MFSD6: variants seen among roughly 807,000 people sequenced by gnomAD.
MFSD6 encodes major facilitator superfamily domain containing 6.
In MFSD6, 26 loss-of-function variants were observed where a neutral mutation model predicts 56.3. That is an observed-to-expected ratio of 0.46 (90% CI 0.34 to 0.64). MFSD6 has a LOEUF of 0.64. Ranked by LOEUF, MFSD6 falls within the 30% of genes least tolerant of loss-of-function variation. The probability of loss-of-function intolerance (pLI) is 0.01; values close to 1 mark genes in which losing one functional copy is unlikely to be tolerated. For synonymous variants in MFSD6, 331 were observed against 366.9 expected, an observed-to-expected ratio of 0.90 and a Z score of 1.12; for missense variants, 750 against 986.2, an observed-to-expected ratio of 0.76 and a Z score of 3.21.
At chr2:190,460,716 A>G (rs1028467057) in intron 3 of MFSD6, among the ~76,000 whole-genome samples, 2 of 152,236 alleles carry the variant, frequency 1.3e-5, no homozygotes, top group African/African-American at 4.8e-5. Context: ...TGGACCAGGC[A>G]TGAGATGGAG....
At position 190,499,437 on chromosome 2, in the gene MFSD6, G is replaced by C. The variant is rs1000895573; in HGVS notation, c.2173-578G>C. Among the ~76,000 whole-genome samples the C allele has an allele frequency of 1.3e-5, 2 of 152,126 alleles. No individual in the cohort carries two copies. Among genetic ancestry groups the C allele is most frequent in the African/African-American group, 2.4e-5 (1 of 41,408 alleles). On this transcript the variant is annotated intron_variant, in intron 7 of 7. Coordinates refer to ENST00000392328, the MANE Select transcript of MFSD6 (RefSeq NM_017694.4). The surrounding 1 kb of genome is among the most constrained non-coding windows in gnomAD (Gnocchi z 6.0). ...TTCTACTCATGGTTATTTACAGTTG[G>C]TTACACAAGTGCTTGTTTACATTCA...
In MFSD6 at chr2:190,461,160, A is replaced by G. The variant is rs1418042468; in HGVS notation, c.1533-8598A>G. Among the ~76,000 whole-genome samples the G allele has an allele frequency of 6.6e-6, 1 of 152,238 alleles. No homozygotes were observed. The highest frequency in any genetic ancestry group is 1.5e-5 in the Non-Finnish European group (1 of 68,046). On this transcript the variant is annotated intron_variant, in intron 3 of 7. Transcript: ENST00000392328. The surrounding 1 kb of genome is among the most constrained non-coding windows in gnomAD (Gnocchi z 5.5). ...TAGAATGTTGTATGGTTTTGAAGCC[A>G]AAATAGAAACCCAGACAGTGATCCC...
chr2:190,466,147 T>C (rs1380927335), intron 3 of MFSD6, among the ~76,000 whole-genome samples: 1 of 152,182 alleles, frequency 6.6e-6, no homozygotes, highest in Non-Finnish European at 1.5e-5. Context: ...ACCAGTTATA[T>C]TGGATTAGGA....
rs1248433967 is a variant in MFSD6 at position 190,467,757 on chromosome 2, CAAGAAG to C, written c.1533-1998_1533-1993del. Among the ~76,000 whole-genome samples, 4 of 152,074 alleles carry C rather than the reference CAAGAAG, an allele frequency of 2.6e-5. No homozygotes were observed. Among genetic ancestry groups the C allele is most frequent in the Non-Finnish European group, 5.9e-5 (4 of 68,022 alleles). On this transcript the variant is annotated intron_variant, in intron 3 of 7. Coordinates refer to ENST00000392328, the MANE Select transcript of MFSD6 (RefSeq NM_017694.4). The surrounding 1 kb of genome is among the most constrained non-coding windows in gnomAD (Gnocchi z 5.5). ...ATGTTTAAATGGTTGAAAAAAAACA[CAAGAAG>C]AATAAGATTTTGTGACACATGAAAA...
rs892392922 is a variant in MFSD6 at position 190,420,163 on chromosome 2, A to G, written c.-54+4750A>G. On this transcript the variant is annotated intron_variant, in intron 2 of 7. Transcript: ENST00000392328. ...ACTGTCTTAGTTTGCTCAGGCTGCT[A>G]TAACAAAATATATAGCAACCATATA... Among the ~76,000 whole-genome samples, 10 of 1,768 alleles carry G rather than the reference A, an allele frequency of 5.7e-3. No homozygotes were observed. In the Admixed American group the frequency reaches 0.071, roughly 13 times the overall value. 1.2% of individuals were successfully genotyped at this position (1,768 alleles called of 152,430 possible). A position where few individuals can be genotyped will look rare whatever the true frequency, so the allele number is the denominator to read the frequency against.
rs1690900685 is a variant in MFSD6, at chr2:190,418,907, C to T, written c.-54+3494C>T. Among the ~76,000 whole-genome samples, 1 of 152,180 alleles carries T rather than the reference C, an allele frequency of 6.6e-6. No individual in the cohort carries two copies. Among genetic ancestry groups the T allele is most frequent in the South Asian group, 2.1e-4 (1 of 4,830 alleles). On this transcript the variant is annotated intron_variant, in intron 2 of 7. Transcript: ENST00000392328. This position sits in a 1 kb window ranked among gnomAD's most constrained non-coding sequence, Gnocchi z 4.1. ...TGGGCAGTGCTGAGTGCCTGGAGGG[C>T]TCAGGCTGGAAACTGGGCTGACAGG...
rs1197823643 is a variant in MFSD6 at position 190,413,542 on chromosome 2, G to C, written c.-175-1750G>C. Among the ~76,000 whole-genome samples the C allele has an allele frequency of 6.6e-6, 1 of 151,486 alleles. No individual in the cohort carries two copies. The highest frequency in any genetic ancestry group is 1.9e-4 in the East Asian group (1 of 5,196). On this transcript the variant is annotated intron_variant, in intron 1 of 7. Transcript: ENST00000392328. This position sits in a 1 kb window ranked among gnomAD's most constrained non-coding sequence, Gnocchi z 4.1. ...TGATCTGAGACCAAGAGTGGGATGGGGGAAAGACAGGGAAAGACAGGGACA... is the reference window on the plus strand; with the variant it reads ...TGATCTGAGACCAAGAGTGGGATGGCGGAAAGACAGGGAAAGACAGGGACA...
At chr2:190,419,532 CATCACTGATAATTAT>C (rs1690924903) in intron 2 of MFSD6, among the ~76,000 whole-genome samples, 1 of 152,222 alleles carries the variant, frequency 6.6e-6, no homozygotes. Flanking sequence ...ATTTCCTCTC[CATCACTGATAATTAT>C]GTCACTGCTA....
In MFSD6 at chr2:190,491,160, A is replaced by G. The variant is rs1426968660; in HGVS notation, c.1891+1294A>G. Among the ~76,000 whole-genome samples, 1 of 152,228 alleles carries G rather than the reference A, an allele frequency of 6.6e-6. No individual in the cohort carries two copies. Among genetic ancestry groups the G allele is most frequent in the Non-Finnish European group, 1.5e-5 (1 of 68,036 alleles). On this transcript the variant is annotated intron_variant, in intron 6 of 7. Transcript: ENST00000392328. This position sits in a 1 kb window ranked among gnomAD's most constrained non-coding sequence, Gnocchi z 4.2. ...AATGTAAGAAACATAAAAATAAGCA[A>G]TCAAATTTTAACTCATCTTTGATTA... is the stretch of plus-strand genomic sequence containing the variant.
At chr2:190,429,086 A>G (rs12475614) in intron 2 of MFSD6, among the ~76,000 whole-genome samples, 68,988 of 151,944 alleles carry the variant, frequency 0.45, 16,089 homozygotes, top group Admixed American at 0.61. Flanking sequence ...TTTATTGGCC[A>G]TTTGTATAGG....
At chr2:190,435,693 T>C (rs1373886305) in intron 2 of MFSD6, among the ~76,000 whole-genome samples, 1 of 152,252 alleles carries the variant, frequency 6.6e-6, no homozygotes, top group Non-Finnish European at 1.5e-5. Flanking sequence ...CTATTATTTG[T>C]ACATTTTCCC....
rs1365101977 is a variant in MFSD6 at position 190,439,685 on chromosome 2, C to T, written c.1532+2124C>T. 6.6e-6 allele frequency among the ~76,000 whole-genome samples: 1 copy of T among 152,150 alleles called. No homozygotes were observed. Among genetic ancestry groups the T allele is most frequent in the Non-Finnish European group, 1.5e-5 (1 of 68,032 alleles). On this transcript the variant is annotated intron_variant, in intron 3 of 7. Transcript: ENST00000392328. The surrounding 1 kb of genome is among the most constrained non-coding windows in gnomAD (Gnocchi z 5.8). ...GTTTTTACGGACAAAAAGCATCTTC[C>T]ATTTCTTGTTTAATAATGTGATGGA...
At chr2:190,420,776 C>T (rs1157563338) in intron 2 of MFSD6, among the ~76,000 whole-genome samples, 1 of 151,964 alleles carries the variant, frequency 6.6e-6, no homozygotes, top group Non-Finnish European at 1.5e-5. Context: ...GTGATTTCTC[C>T]ATGTTTTGGT....
rs1414927286 is a variant in MFSD6, at chr2:190,458,606, G to C, written c.1533-11152G>C. On this transcript the variant is annotated intron_variant, in intron 3 of 7. Coordinates refer to ENST00000392328, the MANE Select transcript of MFSD6 (RefSeq NM_017694.4). The surrounding 1 kb of genome is among the most constrained non-coding windows in gnomAD (Gnocchi z 5.3). ...CAGTTTTAGATTCCCTTCCCCCCGA[G>C]TGCTTGACAGATGGTTATTAGCCTT... 6.6e-6 allele frequency among the ~76,000 whole-genome samples: 1 copy of C among 152,162 alleles called. No homozygotes were observed. Among genetic ancestry groups the C allele is most frequent in the Non-Finnish European group, 1.5e-5 (1 of 68,044 alleles).
chr2:190,483,562 C>T (rs568598331), intron 4 of MFSD6, among the ~76,000 whole-genome samples: 6 of 152,118 alleles, frequency 3.9e-5, no homozygotes, highest in Non-Finnish European at 7.4e-5. Flanking sequence ...CAGGGTTGGG[C>T]GCAGTGGCTC....
intron 4 of MFSD6, among the ~76,000 whole-genome samples, chr2:190,482,265 A>G (rs1393012010): frequency 6.6e-6 from 1 of 152,218 alleles, no homozygotes; most frequent in East Asian, 1.9e-4. Flanking sequence ...GCAAGAAAAG[A>G]AAACATTTAA....
chr2:190,460,668 G>C (rs1490611370), intron 3 of MFSD6, among the ~76,000 whole-genome samples: 1 of 152,176 alleles, frequency 6.6e-6, no homozygotes, highest in African/African-American at 2.4e-5. Context: ...GTGTTGTGAG[G>C]AGAGGCACGT....
intron 4 of MFSD6, among the ~76,000 whole-genome samples, chr2:190,482,300 A>C (rs983701618): frequency 2.6e-5 from 4 of 152,220 alleles, no homozygotes. Flanking sequence ...AAGATTTCCA[A>C]TATAGACTTT....
chr2:190,456,446 C>T lies in MFSD6; in HGVS notation c.1533-13312C>T, dbSNP rs529422467. On this transcript the variant is annotated intron_variant, in intron 3 of 7. Transcript: ENST00000392328. This position sits in a 1 kb window ranked among gnomAD's most constrained non-coding sequence, Gnocchi z 5.4. The stretch of plus-strand genomic sequence containing the variant: ...CTTCGTTGTGAGATCTGTGGAGCCG[C>T]ATCAGGAATTGAGGAATGGAAAAGA... 1.3e-5 allele frequency among the ~76,000 whole-genome samples: 2 copies of T among 152,296 alleles called. No homozygotes were observed. The highest frequency in any genetic ancestry group is 4.1e-4 in the South Asian group (2 of 4,824).
Sources: gnomAD v4.1 joint callset for allele counts (sites outside exome capture counted in the v4.1 genomes callset) on GRCh38, gnomAD v4.1.1 for gene constraint, Gnocchi (gnomAD v3.1) non-coding constraint, MANE v1.5 for transcripts, NCBI Gene and HGNC (gene_info 2026-07-23, HGNC 2026-07-21) for gene names.